SPATA6: variants seen among roughly 807,000 people sequenced by gnomAD.
The protein encoded by SPATA6 is spermatogenesis-associated protein 6.
SPATA6 carries 56 observed loss-of-function variants against 65.3 expected under a neutral mutation model. The observed-to-expected ratio is 0.86, with a 90% CI of 0.69 to 1.07. SPATA6 has a LOEUF of 1.07. Ranked by LOEUF, SPATA6 falls within the 50% of genes least tolerant of loss-of-function variation. SPATA6 has a pLI of 0.00. For missense variants in SPATA6, 590 were observed against 594.8 expected, an observed-to-expected ratio of 0.99 and a Z score of 0.08; for synonymous variants, 199 against 213.2, an observed-to-expected ratio of 0.93 and a Z score of 0.58.
At chr1:48,414,110 TG>T (rs1652533076) in intron 3 of SPATA6, among the ~76,000 whole-genome samples, 1 of 152,192 alleles carries the variant, frequency 6.6e-6, no homozygotes. Flanking sequence ...AAACTTTGTG[TG>T]GGTCGCCTGA....
chr1:48,337,292 A>G (rs943337552), intron 11 of SPATA6, among the ~76,000 whole-genome samples: 1 of 151,906 alleles, frequency 6.6e-6, no homozygotes, highest in Non-Finnish European at 1.5e-5. Flanking sequence ...CAGAATAATC[A>G]TCTCAGTAGA....
At chr1:48,467,613 C>T (rs1363416155) in intron 1 of SPATA6, among the ~76,000 whole-genome samples, 2 of 152,064 alleles carry the variant, frequency 1.3e-5, no homozygotes, top group Non-Finnish European at 2.9e-5. Context: ...AAAGCTTCTA[C>T]ACAGCAAAGG....
intron 9 of SPATA6, among the ~76,000 whole-genome samples, chr1:48,382,819 CACCT>C (rs1648890077): frequency 4.0e-5 from 5 of 124,170 alleles, no homozygotes; most frequent in South Asian, 2.4e-4. Context: ...TGACCCCCCC[CACCT>C]CCCTCCCGGA....
chr1:48,454,068 G>GT (rs1204856975), intron 1 of SPATA6, among the ~76,000 whole-genome samples: 2 of 147,812 alleles, frequency 1.4e-5, no homozygotes, highest in Non-Finnish European at 3.0e-5. Context: ...CACTTATATA[G>GT]TTAAGTGCAT....
chr1:48,450,502 T>C (rs1194113949), intron 3 of SPATA6, among the ~76,000 whole-genome samples: 3 of 152,146 alleles, frequency 2.0e-5, no homozygotes, highest in Non-Finnish European at 2.9e-5. Flanking sequence ...TGTATCTTCA[T>C]TTTTTTCTAA....
the SPATA6 span, among the ~76,000 whole-genome samples, chr1:48,262,013 C>T: frequency 7.9e-5 from 12 of 152,076 alleles, no homozygotes; most frequent in Admixed American, 3.9e-4. Flanking sequence ...AACTAACTTA[C>T]ATTACATACA....
chr1:48,271,497 C>A, the SPATA6 span, among the ~76,000 whole-genome samples: 1 of 152,108 alleles, frequency 6.6e-6, no homozygotes, highest in Non-Finnish European at 1.5e-5. Flanking sequence ...CTGATAGCAA[C>A]AACCCTGTTA....
intron 9 of SPATA6, 29 bp downstream of exon 9, chr1:48,385,280 A>T (rs777988281): frequency 7.0e-6 from 11 of 1,576,524 alleles, no homozygotes; most frequent in Non-Finnish European, 9.5e-6. Flanking sequence ...AGCCAGAACA[A>T]TTATTATTCT....
intron 3 of SPATA6, among the ~76,000 whole-genome samples, chr1:48,430,402 G>A (rs1654289482): frequency 6.6e-6 from 1 of 152,016 alleles, no homozygotes. Flanking sequence ...AACTGAAGGA[G>A]AAACTATGAT....
chr1:48,325,429 C>G, intron 11 of SPATA6: 2 of 1,288,168 alleles, frequency 1.6e-6, no homozygotes, highest in Non-Finnish European at 2.3e-6. Context: ...TTCTTCTTGA[C>G]TGGGACCACT....
Position 48,452,921 on chromosome 1 carries a change from T to C in SPATA6, c.189+73A>G, listed in dbSNP as rs1219444262. The stretch of plus-strand genomic sequence containing the variant: ...CAGTCAGCAGTAATAATTTGTGTTA[T>C]AGGCTTTTATTCAAAAATTGGAACC... On this transcript the variant is annotated intron_variant, in intron 2 of 12. Coordinates refer to ENST00000371847, the MANE Select transcript of SPATA6 (RefSeq NM_019073.4). The C allele has an allele frequency of 7.9e-6, 12 of 1,524,784 alleles. No homozygotes were observed. The East Asian group carries it at 1.6e-4, about 21-fold the overall frequency. 94.5% of individuals were successfully genotyped at this position (1,524,784 alleles called of 1,614,324 possible).
chr1:48,301,921 A>C (rs541110085), intron 12 of SPATA6, among the ~76,000 whole-genome samples: 1 of 152,304 alleles, frequency 6.6e-6, no homozygotes, highest in South Asian at 2.1e-4. Context: ...AAAGGATGAA[A>C]CTATTGAAGA....
In SPATA6 at chr1:48,403,842, A is replaced by G; in HGVS notation, c.446T>C (p.Ile149Thr). ...PRLEFSTTSV[I>T]TECLISSRKC... ...CCTTGAACTTATCAGACATTCAGTAATCACTGAAGTCGTAGAAAATTCCAG... is the reference window on the plus strand; with the variant it reads ...CCTTGAACTTATCAGACATTCAGTAGTCACTGAAGTCGTAGAAAATTCCAG... The change falls in exon 6 of 13, where the codon ATT (isoleucine) becomes ACT (threonine). Residue 149 changes from isoleucine (I) to threonine (T), a missense_variant. Coordinates refer to ENST00000371847, the MANE Select transcript of SPATA6 (RefSeq NM_019073.4). 1 of 1,610,824 alleles carries G rather than the reference A, an allele frequency of 6.2e-7. No individual in the cohort carries two copies. Among genetic ancestry groups the G allele is most frequent in the South Asian group, 1.1e-5 (1 of 90,492 alleles).
In SPATA6 at chr1:48,472,189, G is replaced by A. The variant is rs938983996; in HGVS notation, c.-181C>T. On this transcript the variant is annotated 5_prime_UTR_variant, in exon 1 of 13. Coordinates refer to ENST00000371847, the MANE Select transcript of SPATA6 (RefSeq NM_019073.4). ...CCGGAGAAGCAGCTGAGCGCGGGGC[G>A]CAGACTCGTTGTCATGGCAGCCAGG... 14 of 537,436 alleles carry A rather than the reference G, an allele frequency of 2.6e-5. No individual in the cohort carries two copies. In the South Asian group the frequency reaches 3.3e-4, roughly 13 times the overall value. The allele number at this position is 537,436 out of a possible 1,614,324, so 33.3% of individuals were successfully genotyped here.
At position 48,297,334 on chromosome 1, in the gene SPATA6, T is replaced by C. The variant is rs931746027; in HGVS notation, c.*1379A>G. 3.9e-5 allele frequency: 6 copies of C among 152,072 alleles called. No individual in the cohort carries two copies. The highest frequency in any genetic ancestry group is 1.4e-4 in the African/African-American group (6 of 41,414). The allele number at this position is 152,072 out of a possible 1,614,324, so 9.4% of individuals were successfully genotyped here. A position where few individuals can be genotyped will look rare whatever the true frequency, so the allele number is the denominator to read the frequency against. ...GGAAACAAAGGATCTGAGAATTAAA[T>C]AGACTCAGCTAGAAAACGGCAGACA... On this transcript the variant is annotated 3_prime_UTR_variant, in exon 13 of 13. Transcript: ENST00000371847.
intron 3 of SPATA6, among the ~76,000 whole-genome samples, chr1:48,440,039 G>T (rs1056778699): frequency 1.3e-5 from 2 of 152,084 alleles, no homozygotes; most frequent in African/African-American, 4.8e-5. Context: ...TCCCACAAGA[G>T]GACCTCTCAG....
intron 3 of SPATA6, chr1:48,436,143 G>A: frequency 6.2e-7 from 1 of 1,610,164 alleles, no homozygotes; most frequent in Non-Finnish European, 8.5e-7. Flanking sequence ...CTCACTACGA[G>A]CTCCAAGTAG....
intron 11 of SPATA6, among the ~76,000 whole-genome samples, chr1:48,347,740 T>C (rs1045549394): frequency 6.6e-6 from 1 of 151,884 alleles, no homozygotes; most frequent in Non-Finnish European, 1.5e-5. Flanking sequence ...ACATCACTAT[T>C]GTGAAACCTA....
At chr1:48,311,956 G>T (rs1011085962) in intron 11 of SPATA6, among the ~76,000 whole-genome samples, 2 of 152,190 alleles carry the variant, frequency 1.3e-5, no homozygotes, top group Non-Finnish European at 2.9e-5. Context: ...TACGCCCACG[G>T]AGCCTCACTC....
Sources: allele counts gnomAD v4.1 joint callset (sites outside exome capture counted in the v4.1 genomes callset), GRCh38; gene constraint gnomAD v4.1.1; transcripts MANE v1.5; gene names NCBI Gene and HGNC (gene_info 2026-07-23, HGNC 2026-07-21).